CCSER1: variants seen among roughly 807,000 people sequenced by gnomAD.
CCSER1 encodes coiled-coil serine rich protein 1, also known as serine-rich coiled-coil domain-containing protein 1.
Under a neutral mutation model 82.0 loss-of-function variants are expected in CCSER1, and 41 were observed. The observed-to-expected ratio is 0.50, with a 90% CI of 0.39 to 0.65. The LOEUF (loss-of-function observed/expected upper bound fraction) is 0.65, where lower values mean the gene tolerates loss of function less well. Among genes scored for constraint, CCSER1 ranks in the 30% least tolerant of loss-of-function variants. CCSER1 has a pLI of 0.00. For missense variants in CCSER1, 1,119 were observed against 1,064.2 expected (o/e 1.05, Z -0.72); for synonymous variants, 414 against 383.9 (o/e 1.08, Z -0.92).
At chr4:90,218,221 A>ATCAC (rs1350042916) in intron 1 of CCSER1, among the ~76,000 whole-genome samples, 2 of 152,208 alleles carry the variant, frequency 1.3e-5, no homozygotes, top group African/African-American at 4.8e-5. Context: ...CATATGCTGA[A>ATCAC]TCACATTTAT....
intron 9 of CCSER1, 41 bp from the exon 10 acceptor site, chr4:91,085,909 C>G (rs776169829): frequency 1.3e-4 from 140 of 1,118,406 alleles, no homozygotes; most frequent in Middle Eastern, 7.8e-4. Context: ...TTATTTAATT[C>G]TTCGTTGCCA....
chr4:90,824,455 G>A (rs895237369), intron 8 of CCSER1, among the ~76,000 whole-genome samples: 1 of 152,018 alleles, frequency 6.6e-6, no homozygotes, highest in African/African-American at 2.4e-5. Flanking sequence ...AATAAAAAGG[G>A]TGAGCTAAAA....
intron 10 of CCSER1, among the ~76,000 whole-genome samples, chr4:91,270,430 C>T (rs73835111): frequency 0.037 from 5,646 of 152,140 alleles, 150 homozygotes; most frequent in African/African-American, 0.072. Flanking sequence ...GTATTAACAA[C>T]GTTCATCACA....
rs1249375565 is a variant in CCSER1, at chr4:91,173,412, GT to G, written c.2217+87419del. Among the ~76,000 whole-genome samples the G allele has an allele frequency of 2.0e-5, 3 of 151,956 alleles. No homozygotes were observed. In the East Asian group the frequency reaches 5.8e-4, roughly 29 times the overall value. ...GATCGAGACCATCTTGGCTAACACG[GT>G]GAAACCCCGTCTCTACTGAAAATAC... On this transcript the variant is annotated intron_variant, in intron 10 of 10. Coordinates refer to ENST00000509176, the MANE Select transcript of CCSER1 (RefSeq NM_001145065.2).
Position 90,308,418 on chromosome 4 carries a change from C to G in CCSER1, c.134C>G (p.Ser45Cys). 6.2e-7 allele frequency: 1 copy of G among 1,613,836 alleles called. No individual in the cohort carries two copies. Among genetic ancestry groups the G allele is most frequent in the East Asian group, 2.2e-5 (1 of 44,868 alleles). Residue 45 changes from serine to cysteine, a missense_variant, in exon 2 of 11, where the codon TCT (serine) becomes TGT (cysteine). By Grantham distance (112) the Ser-to-Cys change is moderately radical. Transcript: ENST00000509176. ...AATACAGTTGGTGTCCACAGTTCCT[C>G]TCCTTCCAGCACTAACTCAAGCTCA... ...SSNTVGVHSSSPSSTNSSSGS... is the reference protein window; with the variant it reads ...SSNTVGVHSSCPSSTNSSSGS...
intron 8 of CCSER1, among the ~76,000 whole-genome samples, chr4:90,893,792 T>TGGGGGG (rs1554038055): frequency 6.9e-6 from 1 of 145,436 alleles, no homozygotes; most frequent in Admixed American, 6.7e-5. Flanking sequence ...TGTGTGTGTG[T>TGGGGGG]GGGGGGTGAA....
intron 9 of CCSER1, among the ~76,000 whole-genome samples, chr4:90,968,046 C>T (rs1239644273): frequency 6.6e-6 from 1 of 151,982 alleles, no homozygotes; most frequent in East Asian, 1.9e-4. Flanking sequence ...CTTCCTTAAT[C>T]ATGTGGAATG....
chr4:90,172,641 A>G (rs1327498672), intron 1 of CCSER1, among the ~76,000 whole-genome samples: 4 of 151,898 alleles, frequency 2.6e-5, no homozygotes, highest in African/African-American at 9.7e-5. Context: ...AAGATTTTAC[A>G]ACTAGTAAGT....
chr4:91,408,356 A>G (rs932024863), intron 10 of CCSER1, among the ~76,000 whole-genome samples: 4 of 152,232 alleles, frequency 2.6e-5, no homozygotes, highest in African/African-American at 7.2e-5. Context: ...TCTACTATCA[A>G]TTGTACAAGA....
At position 91,522,780 on chromosome 4, in the gene CCSER1, T is replaced by C. The variant is rs1387662025; in HGVS notation, c.2218-75792T>C. On this transcript the variant is annotated intron_variant, in intron 10 of 10. Coordinates refer to ENST00000509176, the MANE Select transcript of CCSER1 (RefSeq NM_001145065.2). ...AGCTTAAGGAGATTTTGGGCTGAGC[T>C]GATGGGGTTTTCTAAATATACAATC... Among the ~76,000 whole-genome samples, 8 of 152,116 alleles carry C rather than the reference T, an allele frequency of 5.3e-5. No individual in the cohort carries two copies. The South Asian group carries it at 1.4e-3, about 28-fold the overall frequency.
chr4:90,173,499 C>A lies in CCSER1; in HGVS notation c.-42+45668C>A, dbSNP rs115530883. Among the ~76,000 whole-genome samples, 227 of 151,974 alleles carry A rather than the reference C, an allele frequency of 1.5e-3. 2 individuals carry two copies. Among genetic ancestry groups the A allele is most frequent in the African/African-American group, 5.3e-3 (219 of 41,506 alleles). On this transcript the variant is annotated intron_variant, in intron 1 of 10. Transcript: ENST00000509176. ...AGCTCAATTGAATTGACTTTATTCA[C>A]TTTTGTCTCCTTCAGCACCACCTCC...
intron 3 of CCSER1, among the ~76,000 whole-genome samples, chr4:90,333,115 GTTC>G (rs1250765523): frequency 6.6e-5 from 10 of 152,126 alleles, no homozygotes; most frequent in Non-Finnish European, 1.2e-4. Flanking sequence ...GTAATATATT[GTTC>G]TTCTTAGTGG....
At chr4:90,594,972 T>A (rs1035414447) in intron 5 of CCSER1, among the ~76,000 whole-genome samples, 1 of 152,180 alleles carries the variant, frequency 6.6e-6, no homozygotes, top group Admixed American at 6.6e-5. Flanking sequence ...ATGTTCTTTT[T>A]ATTTTAATAT....
intron 4 of CCSER1, among the ~76,000 whole-genome samples, chr4:90,413,745 G>C (rs1194607719): frequency 2.0e-5 from 3 of 150,856 alleles, no homozygotes; most frequent in Non-Finnish European, 4.4e-5. Flanking sequence ...CACGAGGTCA[G>C]GAGATCAAGA....
At chr4:91,402,170 T>G (rs1752383939) in intron 10 of CCSER1, among the ~76,000 whole-genome samples, 1 of 152,236 alleles carries the variant, frequency 6.6e-6, no homozygotes, top group Non-Finnish European at 1.5e-5. Flanking sequence ...TTTTTTCATG[T>G]GTCTGTTGGC....
chr4:90,696,688 G>A (rs1317017435), intron 6 of CCSER1, among the ~76,000 whole-genome samples: 1 of 152,082 alleles, frequency 6.6e-6, no homozygotes, highest in East Asian at 1.9e-4. Context: ...TTAGCACTTT[G>A]TGTGCCAACT....
At chr4:91,512,862 G>A (rs896613162) in intron 10 of CCSER1, among the ~76,000 whole-genome samples, 4 of 152,166 alleles carry the variant, frequency 2.6e-5, no homozygotes, top group Middle Eastern at 3.2e-3. Context: ...GAGCCTTTTG[G>A]TGGAGTCTTT....
intron 1 of CCSER1, among the ~76,000 whole-genome samples, chr4:90,143,310 A>G (rs1725153102): frequency 6.6e-6 from 1 of 151,994 alleles, no homozygotes; most frequent in Non-Finnish European, 1.5e-5. Context: ...GCTATTTTAA[A>G]CTCTCACTAC....
At chr4:90,639,975 T>C (rs2148977566) in intron 6 of CCSER1, among the ~76,000 whole-genome samples, 1 of 152,096 alleles carries the variant, frequency 6.6e-6, no homozygotes, top group South Asian at 2.1e-4. Flanking sequence ...GATTGGAAAA[T>C]CAAGAGAAAG....
Sources: allele counts gnomAD v4.1 joint callset (sites outside exome capture counted in the v4.1 genomes callset), GRCh38; gene constraint gnomAD v4.1.1; transcripts MANE v1.5; gene names NCBI Gene and HGNC (gene_info 2026-07-23, HGNC 2026-07-21).